Variants in DNAH6 observed in about 807,000 individuals in gnomAD.
The protein encoded by DNAH6 is axonemal beta dynein heavy chain 6.
DNAH6 carries 340 observed loss-of-function variants against 491.4 expected under a neutral mutation model. The observed-to-expected ratio is 0.69, with a 90% CI of 0.63 to 0.76. The LOEUF is 0.76. Among genes scored for constraint, DNAH6 ranks in the 30% least tolerant of loss-of-function variants. The pLI, the probability that DNAH6 is intolerant of heterozygous loss-of-function variation, is 0.00. For synonymous variants in DNAH6, 1,603 were observed against 1,686.1 expected, an observed-to-expected ratio of 0.95 and a Z score of 1.21; for missense variants, 4,443 against 4,972.2, an observed-to-expected ratio of 0.89 and a Z score of 3.20.
intron 64 of DNAH6, among the ~76,000 whole-genome samples, chr2:84,763,362 G>A (rs777954471): frequency 6.6e-6 from 1 of 151,770 alleles, no homozygotes; most frequent in South Asian, 2.1e-4. Flanking sequence ...GGACAAGGGG[G>A]ATGTTTAAAC....
chr2:84,720,439 C>T (rs577178378), intron 59 of DNAH6, among the ~76,000 whole-genome samples: 2 of 150,192 alleles, frequency 1.3e-5, no homozygotes, highest in South Asian at 2.1e-4. Context: ...CCACTACGCC[C>T]GGCTAATTTT....
chr2:84,487,036 G>A, the DNAH6 span, among the ~76,000 whole-genome samples: 6 of 152,218 alleles, frequency 3.9e-5, no homozygotes, highest in South Asian at 8.3e-4. Flanking sequence ...AGAAAAACCC[G>A]GCCACAGGTC....
Position 84,697,740 on chromosome 2 carries a change from A to T in DNAH6, c.7677+13A>T, listed in dbSNP as rs1558925085. ...GAACAGAGACGAGGTAGGATGTGCC[A>T]GAGTAGTTATGTGGCTTTATCACAA... On this transcript the variant is annotated intron_variant, in intron 47 of 76. Coordinates refer to ENST00000389394, the MANE Select transcript of DNAH6 (RefSeq NM_001370.2). 1 of 1,551,652 alleles carries T rather than the reference A, an allele frequency of 6.4e-7. No individual in the cohort carries two copies. Among genetic ancestry groups the T allele is most frequent in the Non-Finnish European group, 8.7e-7 (1 of 1,146,912 alleles).
intron 70 of DNAH6, among the ~76,000 whole-genome samples, chr2:84,798,587 G>A (rs1439239576): frequency 3.3e-5 from 5 of 152,180 alleles, no homozygotes; most frequent in African/African-American, 7.2e-5. Context: ...GAAAGAGCAG[G>A]TCCTGAGCAT....
At chr2:84,577,100 A>C (rs1397998977) in intron 12 of DNAH6, among the ~76,000 whole-genome samples, 157 bp from the exon 13 acceptor site, 1 of 152,242 alleles carries the variant, frequency 6.6e-6, no homozygotes. Context: ...CAATCCAATT[A>C]GCATTTTAAA....
At chr2:84,803,182 C>T (rs944905605) in intron 70 of DNAH6, among the ~76,000 whole-genome samples, 4 of 152,100 alleles carry the variant, frequency 2.6e-5, no homozygotes, top group African/African-American at 9.7e-5. Flanking sequence ...ACAAACTAAA[C>T]TCGAAGAATG....
chr2:84,796,877 A>T (rs1299715104), intron 69 of DNAH6, among the ~76,000 whole-genome samples: 1 of 152,190 alleles, frequency 6.6e-6, no homozygotes, highest in Non-Finnish European at 1.5e-5. Context: ...AAGTTTTTAA[A>T]AAAATAAAGA....
At chr2:84,543,639 C>G (rs1400611586) in intron 4 of DNAH6, among the ~76,000 whole-genome samples, 1 of 152,072 alleles carries the variant, frequency 6.6e-6, no homozygotes, top group Non-Finnish European at 1.5e-5. Context: ...TCTGTTTTTA[C>G]TCTGTTCTTG....
chr2:84,770,340 C>A (rs975337255), intron 64 of DNAH6, among the ~76,000 whole-genome samples: 1 of 152,074 alleles, frequency 6.6e-6, no homozygotes, highest in Non-Finnish European at 1.5e-5. Flanking sequence ...GAAATTATGA[C>A]CCATTCAAAA....
chr2:84,727,637 CAG>C, intron 60 of DNAH6, 30 bp from the exon 61 acceptor site: 2 of 1,342,292 alleles, frequency 1.5e-6, no homozygotes, highest in Non-Finnish European at 2.1e-6. Flanking sequence ...TGAATTAAAT[CAG>C]AGACATTGAT....
intron 64 of DNAH6, among the ~76,000 whole-genome samples, chr2:84,770,552 A>AT (rs1167059244): frequency 2.0e-5 from 3 of 152,214 alleles, no homozygotes; most frequent in Non-Finnish European, 2.9e-5. Flanking sequence ...ACTTTTGGAG[A>AT]TAAAAAGTAC....
At chr2:84,777,082 C>T (rs113623265) in intron 64 of DNAH6, among the ~76,000 whole-genome samples, 37 of 152,138 alleles carry the variant, frequency 2.4e-4, no homozygotes, top group Admixed American at 1.2e-3. Flanking sequence ...ACATCACATA[C>T]TGGGGCCTGT....
intron 63 of DNAH6, among the ~76,000 whole-genome samples, chr2:84,761,595 C>G (rs368377303): frequency 6.6e-6 from 1 of 152,066 alleles, no homozygotes; most frequent in Non-Finnish European, 1.5e-5. Context: ...ACGTGATGGC[C>G]CTATTGCATA....
intron 11 of DNAH6, among the ~76,000 whole-genome samples, chr2:84,563,762 T>C (rs763769308): frequency 1.6e-4 from 24 of 152,192 alleles, no homozygotes; most frequent in Non-Finnish European, 2.9e-4. Flanking sequence ...AACAATTCTT[T>C]GCCAAGCCTG....
At chr2:84,810,422 C>T (rs1559067648) in intron 72 of DNAH6, among the ~76,000 whole-genome samples, 1 of 152,194 alleles carries the variant, frequency 6.6e-6, no homozygotes, top group Non-Finnish European at 1.5e-5. Flanking sequence ...CAGAGGAATT[C>T]CCCTAATGGA....
At chr2:84,717,340 A>G (rs1041378711) in intron 58 of DNAH6, among the ~76,000 whole-genome samples, 1 of 152,212 alleles carries the variant, frequency 6.6e-6, no homozygotes, top group Non-Finnish European at 1.5e-5. Flanking sequence ...GATTTTTAGT[A>G]TTCTTTATAT....
At chr2:84,719,410 A>G (rs1296770902) in intron 59 of DNAH6, among the ~76,000 whole-genome samples, 1 of 152,196 alleles carries the variant, frequency 6.6e-6, no homozygotes, top group African/African-American at 2.4e-5. Flanking sequence ...TACAAGGCTT[A>G]TTATGAAAAA....
At chr2:84,777,573 G>C in intron 64 of DNAH6, 1 of 786,522 alleles carries the variant, frequency 1.3e-6, no homozygotes, top group Non-Finnish European at 2.3e-6. Flanking sequence ...TCTTTCCACT[G>C]TTACTTATCT....
chr2:84,683,665 C>T (rs1333024588), intron 42 of DNAH6, among the ~76,000 whole-genome samples: 1 of 152,028 alleles, frequency 6.6e-6, no homozygotes, highest in Non-Finnish European at 1.5e-5. Flanking sequence ...TCAGGTGATC[C>T]ACCTGCCTCG....
Sources: gnomAD v4.1 joint callset for allele counts (sites outside exome capture counted in the v4.1 genomes callset) on GRCh38, gnomAD v4.1.1 for gene constraint, MANE v1.5 for transcripts, NCBI Gene and HGNC (gene_info 2026-07-23, HGNC 2026-07-21) for gene names.